CLASP1: variants seen among roughly 807,000 people sequenced by gnomAD.
CLASP1 encodes cytoplasmic linker associated protein 1.
Under a neutral mutation model 192.3 loss-of-function variants are expected in CLASP1, and 38 were observed. The ratio of observed to expected loss-of-function variants is 0.20; its 90% CI spans 0.15 to 0.26. CLASP1 has a LOEUF of 0.26. Ranked by LOEUF, CLASP1 falls within the 10% of genes least tolerant of loss-of-function variation. The pLI, the probability that CLASP1 is intolerant of heterozygous loss-of-function variation, is 1.00. For missense variants in CLASP1, 1,433 were observed against 1,932.5 expected, an observed-to-expected ratio of 0.74 and a Z score of 4.85; for synonymous variants, 691 against 712.8, an observed-to-expected ratio of 0.97 and a Z score of 0.49.
chr2:121,503,106 A>G (rs2093814199), intron 8 of CLASP1, 61 bp downstream of exon 8: 1 of 1,047,820 alleles, frequency 9.5e-7, no homozygotes, highest in Non-Finnish European at 1.4e-6. Context: ...TTCACATATA[A>G]CATAAATGAT....
intron 2 of CLASP1, among the ~76,000 whole-genome samples, chr2:121,594,779 C>A (rs1400618880): frequency 1.3e-5 from 2 of 152,242 alleles, no homozygotes; most frequent in African/African-American, 4.8e-5. Flanking sequence ...ACTGTATACA[C>A]AGGTATTGCA....
At chr2:121,550,886 C>G (rs1329786090) in intron 2 of CLASP1, among the ~76,000 whole-genome samples, 1 of 152,144 alleles carries the variant, frequency 6.6e-6, no homozygotes, top group Non-Finnish European at 1.5e-5. Context: ...CACCATCATA[C>G]TAATACCAAA....
At chr2:121,383,227 C>T (rs996279525) in intron 32 of CLASP1, among the ~76,000 whole-genome samples, 1 of 152,222 alleles carries the variant, frequency 6.6e-6, no homozygotes, top group African/African-American at 2.4e-5. Flanking sequence ...TACACAGCAG[C>T]CCTGCCTGCC....
At chr2:121,447,279 TAA>T (rs2084536263) in intron 19 of CLASP1, 56 bp downstream of exon 19, 2 of 1,464,186 alleles carry the variant, frequency 1.4e-6, no homozygotes, top group East Asian at 2.4e-5. Flanking sequence ...GCTAAGAGGT[TAA>T]GAGTCATCTC....
At chr2:121,570,070 G>A (rs2059850719) in intron 2 of CLASP1, among the ~76,000 whole-genome samples, 1 of 152,096 alleles carries the variant, frequency 6.6e-6, no homozygotes, top group South Asian at 2.1e-4. Flanking sequence ...CTGTGTTAAG[G>A]ATAAAAGTTA....
chr2:121,591,326 C>G (rs1005942197), intron 2 of CLASP1, among the ~76,000 whole-genome samples: 1 of 152,110 alleles, frequency 6.6e-6, no homozygotes, highest in South Asian at 2.1e-4. Flanking sequence ...TCATCCCAGT[C>G]CTTTATATAT....
intron 3 of CLASP1, 114 bp from the exon 4 acceptor site, chr2:121,528,894 C>T: frequency 3.7e-6 from 3 of 804,102 alleles, no homozygotes; most frequent in Non-Finnish European, 6.4e-6. Context: ...AATGATGTAT[C>T]TCATTCTAAA....
At chr2:121,391,409 T>C (rs1241803775) in intron 30 of CLASP1, among the ~76,000 whole-genome samples, 2 of 152,168 alleles carry the variant, frequency 1.3e-5, no homozygotes, top group African/African-American at 2.4e-5. Flanking sequence ...TGCCTAAACA[T>C]GGCAATCTGT....
rs962152858 is a variant in CLASP1 at position 121,585,099 on chromosome 2, G to A, written c.195+20602C>T. ...TTTTGCAGAAGAAAAACTATGGAGA[G>A]ATTAAGAAACTTATCCAGTACCACA... On this transcript the variant is annotated intron_variant, in intron 2 of 39. Coordinates refer to ENST00000263710, the Ensembl canonical transcript of CLASP1. 2.6e-5 allele frequency among the ~76,000 whole-genome samples: 4 copies of A among 152,364 alleles called. No individual in the cohort carries two copies. The East Asian group carries it at 5.8e-4, about 22-fold the overall frequency.
intron 23 of CLASP1, among the ~76,000 whole-genome samples, chr2:121,411,274 T>C (rs1344397304): frequency 6.6e-6 from 1 of 152,274 alleles, no homozygotes; most frequent in East Asian, 1.9e-4. Context: ...TTGAGTCTTT[T>C]AATCTATTTA....
chr2:121,519,494 A>ATAT (rs1662057190), intron 6 of CLASP1, among the ~76,000 whole-genome samples: 4 of 152,212 alleles, frequency 2.6e-5, no homozygotes, highest in Non-Finnish European at 4.4e-5. Context: ...CCTTTCAAGA[A>ATAT]AAGTTAAAAA....
chr2:121,363,076 T>C (rs1421421724), intron 37 of CLASP1, 96 bp downstream of exon 38: 32 of 1,486,422 alleles, frequency 2.2e-5, no homozygotes, highest in African/African-American at 2.8e-5. Context: ...GAAGGGGCTC[T>C]TAAGCTGTGC....
intron 2 of CLASP1, among the ~76,000 whole-genome samples, chr2:121,541,082 C>T (rs1228569650): frequency 2.0e-5 from 3 of 152,112 alleles, no homozygotes; most frequent in Non-Finnish European, 4.4e-5. Context: ...GACCACTAGA[C>T]CTATAAGTTT....
chr2:121,476,530 C>T (rs945598877), intron 8 of CLASP1, among the ~76,000 whole-genome samples: 3 of 152,160 alleles, frequency 2.0e-5, no homozygotes, highest in Non-Finnish European at 2.9e-5. Context: ...TCATCTATAA[C>T]GACCAACAAA....
chr2:121,512,658 C>T (rs919754904), intron 7 of CLASP1, among the ~76,000 whole-genome samples: 4 of 152,194 alleles, frequency 2.6e-5, no homozygotes, highest in South Asian at 2.1e-4. Context: ...GCCCTAATCC[C>T]TAATTCCAGC....
intron 14 of CLASP1, among the ~76,000 whole-genome samples, chr2:121,455,440 C>CAT (rs1315251776): frequency 1.3e-5 from 2 of 152,224 alleles, no homozygotes; most frequent in East Asian, 3.9e-4. Flanking sequence ...GATAATGTAG[C>CAT]ATATATATAC....
At chr2:121,542,080 T>C (rs1456539553) in intron 2 of CLASP1, among the ~76,000 whole-genome samples, 2 of 152,140 alleles carry the variant, frequency 1.3e-5, no homozygotes, top group African/African-American at 2.4e-5. Flanking sequence ...CAATGTGCAA[T>C]GGACATCTTC....
intron 8 of CLASP1, among the ~76,000 whole-genome samples, chr2:121,471,301 T>C (rs1451743218): frequency 6.6e-6 from 1 of 152,048 alleles, no homozygotes; most frequent in African/African-American, 2.4e-5. Flanking sequence ...GAAACATCTT[T>C]GGAATCTTAA....
intron 2 of CLASP1, among the ~76,000 whole-genome samples, chr2:121,598,094 A>G (rs964957178): frequency 1.3e-5 from 2 of 152,198 alleles, no homozygotes; most frequent in Non-Finnish European, 2.9e-5. Flanking sequence ...ATTTGGGGTT[A>G]TTTTTATTAT....
Sources: allele counts gnomAD v4.1 joint callset (sites outside exome capture counted in the v4.1 genomes callset), GRCh38; gene constraint gnomAD v4.1.1; transcripts MANE v1.5; gene names NCBI Gene and HGNC (gene_info 2026-07-23, HGNC 2026-07-21).